FGF12: variants seen among roughly 807,000 people sequenced by gnomAD.
FGF12 encodes fibroblast growth factor 12B.
FGF12 carries 14 observed loss-of-function variants against 23.6 expected under a neutral mutation model. That is an observed-to-expected ratio of 0.59 (90% confidence interval 0.39 to 0.93). The LOEUF is 0.93. Ranked by LOEUF, FGF12 falls within the 40% of genes least tolerant of loss-of-function variation. FGF12 has a pLI of 0.00. For missense variants in FGF12, 175 were observed against 217.8 expected (o/e 0.80, Z 1.24); for synonymous variants, 62 against 77.3 (o/e 0.80, Z 1.04).
In FGF12 at chr3:192,525,609, A is replaced by G. The variant is rs552189718; in HGVS notation, c.14-165071T>C. On this transcript the variant is annotated intron_variant, in intron 2 of 5. Transcript: ENST00000445105. ...TCCATACTGCCAAAATAATCACCCC[A>G]AAACTTAAGTCCCTAAAGAATGTGG... Among the ~76,000 whole-genome samples, 85 of 152,312 alleles carry G rather than the reference A, an allele frequency of 5.6e-4. 1 individual carries two copies. The South Asian group carries it at 0.017, about 31-fold the overall frequency.
At chr3:192,527,207 A>G (rs973301350) in intron 2 of FGF12, among the ~76,000 whole-genome samples, 4 of 152,180 alleles carry the variant, frequency 2.6e-5, no homozygotes, top group Admixed American at 2.6e-4. Context: ...ATGATATGAC[A>G]CAGCAAAAAG....
At chr3:192,272,126 T>TAATG (rs1713479928) in intron 4 of FGF12, among the ~76,000 whole-genome samples, 1 of 152,180 alleles carries the variant, frequency 6.6e-6, no homozygotes, top group East Asian at 1.9e-4. Flanking sequence ...ATTAAAAAAT[T>TAATG]AATGGCCCGA....
At chr3:192,680,794 C>A (rs1176660157) in intron 2 of FGF12, among the ~76,000 whole-genome samples, 1 of 152,152 alleles carries the variant, frequency 6.6e-6, no homozygotes. Flanking sequence ...TCATTCAGTC[C>A]ACAAGAACTT....
At chr3:192,592,584 G>A (rs1466849674) in intron 2 of FGF12, among the ~76,000 whole-genome samples, 2 of 151,850 alleles carry the variant, frequency 1.3e-5, no homozygotes, top group Non-Finnish European at 2.9e-5. Flanking sequence ...ATCTTCCCAA[G>A]CTCCTCGCCC....
intron 2 of FGF12, among the ~76,000 whole-genome samples, chr3:192,506,448 G>A (rs1249478258): frequency 2.0e-5 from 3 of 152,140 alleles, no homozygotes; most frequent in African/African-American, 4.8e-5. Flanking sequence ...TCGGCTCACC[G>A]CAACCTTCGC....
intron 2 of FGF12, among the ~76,000 whole-genome samples, chr3:192,620,255 C>G: frequency 1.7e-5 from 1 of 59,700 alleles, no homozygotes; most frequent in East Asian, 3.9e-4. Context: ...CGCGCGCGCG[C>G]ACGCACACAC....
intron 2 of FGF12, among the ~76,000 whole-genome samples, chr3:192,448,863 A>G (rs1722437982): frequency 6.6e-6 from 1 of 152,222 alleles, no homozygotes; most frequent in Non-Finnish European, 1.5e-5. Flanking sequence ...TTCAGGTGCA[A>G]TATTTCCCAA....
chr3:192,181,378 GACAC>G (rs35246455), intron 4 of FGF12, among the ~76,000 whole-genome samples: 3,939 of 147,258 alleles, frequency 0.027, 167 homozygotes, highest in African/African-American at 0.093. Flanking sequence ...CACACACACA[GACAC>G]ACACACACAC....
intron 2 of FGF12, among the ~76,000 whole-genome samples, chr3:192,436,423 A>G (rs1181443133): frequency 6.6e-6 from 1 of 152,214 alleles, no homozygotes; most frequent in Non-Finnish European, 1.5e-5. Context: ...CCTTACTTCC[A>G]GATTTCCAAT....
rs1412852329 is a variant in FGF12 at position 192,139,780 on chromosome 3, T to C, written c.*4229A>G. The stretch of plus-strand genomic sequence containing the variant: ...CATTCTGAACATTATTAATTTTCAC[T>C]TAACTTAGATTTAAGTATTGAATTT... On this transcript the variant is annotated 3_prime_UTR_variant, in exon 6 of 6. Transcript: ENST00000445105. 6.6e-6 allele frequency: 1 copy of C among 152,136 alleles called. No homozygotes were observed. The highest frequency in any genetic ancestry group is 2.4e-5 in the African/African-American group (1 of 41,452). The allele number at this position is 152,136 out of a possible 1,614,324, so 9.4% of individuals were successfully genotyped here. A position where few individuals can be genotyped will look rare whatever the true frequency, so the allele number is the denominator to read the frequency against.
chr3:192,296,372 C>T (rs1210911142), intron 4 of FGF12, among the ~76,000 whole-genome samples: 3 of 151,906 alleles, frequency 2.0e-5, no homozygotes, highest in Non-Finnish European at 2.9e-5. Flanking sequence ...CACAGGTGCA[C>T]ACCATCATGC....
At chr3:192,357,588 A>T (rs1408234097) in intron 3 of FGF12, among the ~76,000 whole-genome samples, 2 of 152,114 alleles carry the variant, frequency 1.3e-5, no homozygotes, top group African/African-American at 4.8e-5. Context: ...AAAAAAACAA[A>T]CAACTTTTCT....
rs530304030 is a variant in FGF12, at chr3:192,523,946, A to G, written c.14-163408T>C. 2.5e-4 allele frequency among the ~76,000 whole-genome samples: 38 copies of G among 152,324 alleles called. 1 individual carries two copies. Among genetic ancestry groups the G allele is most frequent in the African/African-American group, 8.2e-4 (34 of 41,564 alleles). On this transcript the variant is annotated intron_variant, in intron 2 of 5. Coordinates refer to ENST00000445105, the MANE Select transcript of FGF12 (RefSeq NM_004113.6). ...AAGAAGAGGTTCTTCCAAAATGCAG[A>G]TAGAAAAAGGATATGTATATGTGGA...
Position 192,233,584 on chromosome 3 carries a change from G to T in FGF12, c.229-62928C>A, listed in dbSNP as rs146205993. Among the ~76,000 whole-genome samples the T allele has an allele frequency of 2.6e-5, 4 of 152,118 alleles. No individual in the cohort carries two copies. The East Asian group carries it at 7.7e-4, about 29-fold the overall frequency. ...CGCTTAATCCATTTTTGTTTTTGTT[G>T]CAATTACTTTTGCAGACTTTGTGAT... On this transcript the variant is annotated intron_variant, in intron 4 of 5. Coordinates refer to ENST00000445105, the MANE Select transcript of FGF12 (RefSeq NM_004113.6).
intron 4 of FGF12, among the ~76,000 whole-genome samples, chr3:192,299,405 G>A (rs1239263604): frequency 6.6e-6 from 1 of 152,150 alleles, no homozygotes; most frequent in Non-Finnish European, 1.5e-5. Context: ...CTTCTATAGT[G>A]TTTGAGGACA....
chr3:192,389,571 G>C (rs974629748), intron 2 of FGF12, among the ~76,000 whole-genome samples: 1 of 152,084 alleles, frequency 6.6e-6, no homozygotes, highest in African/African-American at 2.4e-5. Flanking sequence ...ATAAAAAGAA[G>C]CAAAAAGCAA....
intron 4 of FGF12, among the ~76,000 whole-genome samples, chr3:192,262,253 A>C (rs1165817712): frequency 6.6e-6 from 1 of 152,094 alleles, no homozygotes; most frequent in Non-Finnish European, 1.5e-5. Flanking sequence ...GGGAGGCATA[A>C]ACTTTGCTTT....
At chr3:192,613,803 C>T (rs1256021433) in intron 2 of FGF12, among the ~76,000 whole-genome samples, 1 of 151,878 alleles carries the variant, frequency 6.6e-6, no homozygotes, top group Non-Finnish European at 1.5e-5. Flanking sequence ...AAAATTCCAA[C>T]CCTGTGTACA....
At chr3:192,505,757 T>A (rs1021044425) in intron 2 of FGF12, among the ~76,000 whole-genome samples, 1 of 152,216 alleles carries the variant, frequency 6.6e-6, no homozygotes, top group East Asian at 1.9e-4. Flanking sequence ...CTGCGGTTAA[T>A]TGAAAAATCA....
Sources: gnomAD v4.1 joint callset for allele counts (sites outside exome capture counted in the v4.1 genomes callset) on GRCh38, gnomAD v4.1.1 for gene constraint, MANE v1.5 for transcripts, NCBI Gene and HGNC (gene_info 2026-07-23, HGNC 2026-07-21) for gene names.